The following SCN11A variants were observed in gnomAD, a reference collection of about 807,000 sequenced individuals.
SCN11A encodes sodium channel protein type 11 subunit alpha.
SCN11A carries 122 observed loss-of-function variants against 162.2 expected under a neutral mutation model. The observed-to-expected ratio is 0.75, with a 90% CI of 0.65 to 0.87. The LOEUF (loss-of-function observed/expected upper bound fraction) is 0.87. Ranked by LOEUF, SCN11A falls within the 40% of genes least tolerant of loss-of-function variation. The pLI is 0.00. For missense variants in SCN11A, 2,015 were observed against 2,181.6 expected (o/e 0.92, Z 1.52); for synonymous variants, 758 against 751.5 (o/e 1.01, Z -0.14).
chr3:38,860,356 GAT>G (rs931217807), intron 28 of SCN11A, among the ~76,000 whole-genome samples: 71 of 152,002 alleles, frequency 4.7e-4, no homozygotes, highest in African/African-American at 1.7e-3. Context: ...AACACTAAAA[GAT>G]AGAGAAAGAG....
At chr3:38,894,488 C>T (rs770935418) in intron 19 of SCN11A, 45 bp downstream of exon 19, 25 of 1,488,476 alleles carry the variant, frequency 1.7e-5, no homozygotes, top group Admixed American at 1.0e-4. Flanking sequence ...CCTGTGATAA[C>T]TCCAGCTTTG....
At chr3:38,883,648 G>A (rs140094178) in intron 21 of SCN11A, among the ~76,000 whole-genome samples, 1 of 152,184 alleles carries the variant, frequency 6.6e-6, no homozygotes, top group African/African-American at 2.4e-5. Flanking sequence ...TCCACTTGCT[G>A]TCTTGTGCCA....
At chr3:38,981,537 TTGTGTGTG>T (rs10578149) in intron 2 of SCN11A, among the ~76,000 whole-genome samples, 4,117 of 145,964 alleles carry the variant, frequency 0.028, 187 homozygotes, top group African/African-American at 0.098. Flanking sequence ...GTGTGTGTGT[TTGTGTGTG>T]TGTGTGTGTG....
intron 2 of SCN11A, among the ~76,000 whole-genome samples, chr3:38,976,297 T>G (rs967720076): frequency 3.3e-5 from 5 of 152,212 alleles, no homozygotes; most frequent in African/African-American, 1.2e-4. Flanking sequence ...TTATGAGGAC[T>G]GTTTCTTAGT....
intron 2 of SCN11A, among the ~76,000 whole-genome samples, chr3:38,966,810 G>A (rs2066785380): frequency 6.6e-6 from 1 of 152,190 alleles, no homozygotes; most frequent in Non-Finnish European, 1.5e-5. Flanking sequence ...TGGCTTCTGT[G>A]AAGCCTTTCT....
intron 7 of SCN11A, among the ~76,000 whole-genome samples, chr3:38,933,696 C>A (rs1476455567): frequency 6.6e-6 from 1 of 152,178 alleles, no homozygotes; most frequent in Non-Finnish European, 1.5e-5. Context: ...AAGAAACGAA[C>A]AAAGCCTCCA....
At chr3:38,953,058 G>T (rs4440062) in intron 4 of SCN11A, among the ~76,000 whole-genome samples, 1,481 of 145,910 alleles carry the variant, frequency 0.01, 25 homozygotes, top group African/African-American at 0.037. Flanking sequence ...GTTTTTTTTT[G>T]TTGTTGTTGT....
rs148425367 is a variant in SCN11A, at chr3:38,945,491, G to A, written c.408C>T (p.Ile136=). ...SVHSLFSMFI[I]GTVIINCVFM... is the part of the protein sequence containing the mutation. ...ACACGCAGTTGATGATAACGGTGCCGATAATGAACATGCTGAACAATGTGG... is the reference window on the plus strand; with the variant it reads ...ACACGCAGTTGATGATAACGGTGCCAATAATGAACATGCTGAACAATGTGG... Residue 136 remains isoleucine (I), a synonymous_variant, in exon 7 of 30, where the codon ATC becomes ATT. Transcript: ENST00000302328. 58 of 1,583,254 alleles carry A rather than the reference G, an allele frequency of 3.7e-5. No individual in the cohort carries two copies. Among genetic ancestry groups the A allele is most frequent in the Admixed American group, 2.1e-4 (12 of 57,900 alleles).
At chr3:38,890,564 G>C (rs1221884038) in intron 19 of SCN11A, among the ~76,000 whole-genome samples, 1 of 152,248 alleles carries the variant, frequency 6.6e-6, no homozygotes, top group Admixed American at 6.5e-5. Flanking sequence ...CTCAAAGACT[G>C]CGCTTAAAAG....
At chr3:39,018,924 T>C (rs1253331877) in intron 2 of SCN11A, among the ~76,000 whole-genome samples, 1 of 152,224 alleles carries the variant, frequency 6.6e-6, no homozygotes, top group Non-Finnish European at 1.5e-5. Flanking sequence ...TCTAGCCAAA[T>C]GCTCTTTCTT....
chr3:39,028,516 T>TAAG (rs2031658887), intron 2 of SCN11A, among the ~76,000 whole-genome samples: 1 of 152,230 alleles, frequency 6.6e-6, no homozygotes, highest in Non-Finnish European at 1.5e-5. Context: ...ACTCATGCCA[T>TAAG]ACCATTCTTT....
intron 11 of SCN11A, among the ~76,000 whole-genome samples, chr3:38,918,464 AG>A (rs1378916412): frequency 6.6e-6 from 1 of 152,216 alleles, no homozygotes; most frequent in Non-Finnish European, 1.5e-5. Context: ...CAAGGGATCT[AG>A]GTTGCACGCT....
intron 2 of SCN11A, among the ~76,000 whole-genome samples, chr3:38,995,803 A>ATCTATCTATCTGTCTGTCTG (rs1553648571): frequency 1.9e-3 from 253 of 135,246 alleles, no homozygotes; most frequent in African/African-American, 7.4e-3. Context: ...TAAATTGTCT[A>ATCTATCTATCTGTCTGTCTG]TCTATCTATC....
At chr3:38,935,811 T>C (rs572325089) in intron 7 of SCN11A, among the ~76,000 whole-genome samples, 1 of 152,290 alleles carries the variant, frequency 6.6e-6, no homozygotes, top group Non-Finnish European at 1.5e-5. Context: ...ACTGGTACCA[T>C]TCCTTCTGAA....
chr3:38,959,173 G>A (rs1031791446), intron 3 of SCN11A, among the ~76,000 whole-genome samples: 7 of 152,098 alleles, frequency 4.6e-5, no homozygotes, highest in Non-Finnish European at 7.3e-5. Context: ...CTAAACAAAG[G>A]GGCAAATGCT....
intron 19 of SCN11A, among the ~76,000 whole-genome samples, chr3:38,889,894 T>C (rs776696036): frequency 6.7e-6 from 1 of 150,280 alleles, no homozygotes; most frequent in Non-Finnish European, 1.5e-5. Flanking sequence ...TTTAGTATCA[T>C]CAAAAACAAT....
At chr3:38,968,927 T>C (rs184147103) in intron 2 of SCN11A, among the ~76,000 whole-genome samples, 1 of 152,342 alleles carries the variant, frequency 6.6e-6, no homozygotes, top group Admixed American at 6.5e-5. Context: ...GGTAATAGTA[T>C]TTATATATGT....
At chr3:39,046,682 C>T (rs181022685) in intron 1 of SCN11A, among the ~76,000 whole-genome samples, 1 of 152,128 alleles carries the variant, frequency 6.6e-6, no homozygotes, top group Non-Finnish European at 1.5e-5. Context: ...ACCAATGGAA[C>T]AGAATAGAGA....
At chr3:38,878,839 G>A (rs889999345) in intron 23 of SCN11A, among the ~76,000 whole-genome samples, 2 of 151,954 alleles carry the variant, frequency 1.3e-5, no homozygotes, top group African/African-American at 4.8e-5. Context: ...TCTCCAGTGG[G>A]GTTTCCTGAC....
Sources: gnomAD v4.1 joint callset for allele counts (sites outside exome capture counted in the v4.1 genomes callset) on GRCh38, gnomAD v4.1.1 for gene constraint, MANE v1.5 for transcripts, NCBI Gene and HGNC (gene_info 2026-07-23, HGNC 2026-07-21) for gene names.